Variants in KLHL29 observed in about 807,000 individuals in gnomAD.
KLHL29 encodes the protein kelch like family member 29, also known as kelch-like protein 29.
A neutral mutation model predicts 80.4 loss-of-function variants in KLHL29; 21 were observed. The ratio of observed to expected loss-of-function variants is 0.26; its 90% CI spans 0.19 to 0.38. The LOEUF (loss-of-function observed/expected upper bound fraction) is 0.38, where lower values mean the gene tolerates loss of function less well. Ranked by LOEUF, KLHL29 falls within the 10% of genes least tolerant of loss-of-function variation. KLHL29 has a pLI of 1.00. For synonymous variants in KLHL29, 511 were observed against 526.8 expected (o/e 0.97, Z 0.41); for missense variants, 867 against 1,223.9 (o/e 0.71, Z 4.35).
At chr2:23,656,214 C>T (rs1187926676) in intron 5 of KLHL29, among the ~76,000 whole-genome samples, 4 of 152,224 alleles carry the variant, frequency 2.6e-5, no homozygotes, top group Non-Finnish European at 5.9e-5. Context: ...ATAGTGCCTA[C>T]CCGCCAAGGG....
At chr2:23,435,643 A>C (rs188589233) in intron 1 of KLHL29, among the ~76,000 whole-genome samples, 44 of 152,358 alleles carry the variant, frequency 2.9e-4, no homozygotes, top group Admixed American at 2.4e-3. Flanking sequence ...GCCCGAACTT[A>C]AATTAACTGT....
chr2:23,609,109 C>A lies in KLHL29; in HGVS notation c.286-30030C>A, dbSNP rs1246598100. ...CCCTGATATCAGTCATTTAGTCACT[C>A]ATTCATTTGACACAGATGTATTAAG... is the stretch of plus-strand genomic sequence containing the variant. On this transcript the variant is annotated intron_variant, in intron 3 of 13. Coordinates refer to ENST00000486442, the MANE Select transcript of KLHL29 (RefSeq NM_052920.2). Among the ~76,000 whole-genome samples the A allele has an allele frequency of 2.6e-5, 4 of 152,184 alleles. No individual in the cohort carries two copies. In the East Asian group the frequency reaches 7.7e-4, roughly 29 times the overall value.
chr2:23,653,880 C>CT (rs1670157401), intron 5 of KLHL29, among the ~76,000 whole-genome samples: 1 of 152,130 alleles, frequency 6.6e-6, no homozygotes, highest in South Asian at 2.1e-4. Context: ...AATTGCCCAG[C>CT]TTCGGCCAGG....
chr2:23,422,468 G>A (rs1662846001), intron 1 of KLHL29, among the ~76,000 whole-genome samples: 1 of 148,874 alleles, frequency 6.7e-6, no homozygotes, highest in Non-Finnish European at 1.5e-5. Context: ...GTCTTTTTGT[G>A]TCTGTGTGTT....
At chr2:23,422,090 CTGTA>C (rs1048970878) in intron 1 of KLHL29, among the ~76,000 whole-genome samples, 7 of 149,770 alleles carry the variant, frequency 4.7e-5, no homozygotes, top group African/African-American at 1.7e-4. Context: ...CCTTTGCTGT[CTGTA>C]TGTTTGTGTG....
At chr2:23,632,617 C>T (rs1669498123) in intron 3 of KLHL29, among the ~76,000 whole-genome samples, 1 of 152,246 alleles carries the variant, frequency 6.6e-6, no homozygotes, top group Admixed American at 6.5e-5. Context: ...GCCCGGTGGT[C>T]AGAGGTGCCC....
At chr2:23,602,421 C>T (rs1668595623) in intron 3 of KLHL29, among the ~76,000 whole-genome samples, 1 of 152,182 alleles carries the variant, frequency 6.6e-6, no homozygotes, top group Non-Finnish European at 1.5e-5. Context: ...CAAAGGCTGG[C>T]TCTGAGTCAA....
intron 2 of KLHL29, among the ~76,000 whole-genome samples, chr2:23,499,682 G>A (rs926212192): frequency 1.3e-5 from 2 of 152,200 alleles, no homozygotes; most frequent in Admixed American, 6.5e-5. Flanking sequence ...CAGCACTGTC[G>A]GCCCCCACCC....
intron 1 of KLHL29, among the ~76,000 whole-genome samples, chr2:23,402,093 G>T (rs1666610873): frequency 6.6e-6 from 1 of 152,308 alleles, no homozygotes; most frequent in East Asian, 1.9e-4. Context: ...TGCCAGTCAG[G>T]GGCAGAGCCA....
intron 3 of KLHL29, among the ~76,000 whole-genome samples, chr2:23,590,965 G>A (rs757980409): frequency 1.3e-5 from 2 of 152,170 alleles, no homozygotes; most frequent in East Asian, 1.9e-4. Flanking sequence ...GGTGAAAGCC[G>A]ATGACAAAAT....
At chr2:23,694,913 C>T (rs184775775) in intron 8 of KLHL29, among the ~76,000 whole-genome samples, 4 of 152,294 alleles carry the variant, frequency 2.6e-5, no homozygotes, top group South Asian at 2.1e-4. Context: ...AAACTGTGTA[C>T]CCCTTGAGGT....
At chr2:23,476,121 C>T (rs115282499) in intron 2 of KLHL29, among the ~76,000 whole-genome samples, 2,300 of 152,084 alleles carry the variant, frequency 0.015, 64 homozygotes, top group African/African-American at 0.052. Context: ...GTGATCTACC[C>T]GCTTCAGCCT....
intron 1 of KLHL29, among the ~76,000 whole-genome samples, chr2:23,386,230 C>G (rs556090015): frequency 6.6e-6 from 1 of 152,216 alleles, no homozygotes; most frequent in East Asian, 2.0e-4. Context: ...CAGGGGCGGC[C>G]GCGCGCACTG....
intron 2 of KLHL29, among the ~76,000 whole-genome samples, chr2:23,545,226 A>G (rs1666951880): frequency 1.3e-5 from 2 of 152,170 alleles, no homozygotes; most frequent in Non-Finnish European, 2.9e-5. Flanking sequence ...GCTGGTCATG[A>G]GTCCAGGAAA....
chr2:23,676,412 G>A (rs1670923286), intron 5 of KLHL29, among the ~76,000 whole-genome samples: 1 of 152,160 alleles, frequency 6.6e-6, no homozygotes, highest in Admixed American at 6.5e-5. Context: ...TTGATCTCCT[G>A]ACCTCGTGAT....
intron 1 of KLHL29, among the ~76,000 whole-genome samples, chr2:23,429,138 A>G (rs1320808672): frequency 5.3e-5 from 8 of 152,196 alleles, no homozygotes; most frequent in Non-Finnish European, 8.8e-5. Context: ...ACTTGGGTAC[A>G]TATGTTCACA....
intron 5 of KLHL29, among the ~76,000 whole-genome samples, chr2:23,678,947 T>C (rs1572489525): frequency 6.6e-6 from 1 of 152,076 alleles, no homozygotes; most frequent in South Asian, 2.1e-4. Flanking sequence ...GTGTGGAGTT[T>C]CCGTTTGTGA....
At chr2:23,673,459 A>G (rs931786469) in intron 5 of KLHL29, among the ~76,000 whole-genome samples, 1 of 150,422 alleles carries the variant, frequency 6.6e-6, no homozygotes, top group Admixed American at 6.6e-5. Context: ...TCTCTCACAC[A>G]TACACACATG....
chr2:23,592,927 G>A (rs145918597), intron 3 of KLHL29, among the ~76,000 whole-genome samples: 42 of 152,262 alleles, frequency 2.8e-4, no homozygotes, highest in African/African-American at 9.9e-4. Flanking sequence ...CCACCATTTG[G>A]TTTTGTAGGT....
Sources: allele counts gnomAD v4.1 joint callset (sites outside exome capture counted in the v4.1 genomes callset), GRCh38; gene constraint gnomAD v4.1.1; transcripts MANE v1.5; gene names NCBI Gene and HGNC (gene_info 2026-07-23, HGNC 2026-07-21).